FSIP2: variants seen among roughly 807,000 people sequenced by gnomAD.
FSIP2 encodes fibrous sheath interacting protein 2, also known as fibrous sheath-interacting protein 2.
A neutral mutation model predicts 510.5 loss-of-function variants in FSIP2; 367 were observed. The observed-to-expected ratio is 0.72, with a 90% confidence interval of 0.66 to 0.78. The LOEUF is 0.78. Ranked by LOEUF, FSIP2 falls within the 30% of genes least tolerant of loss-of-function variation. The pLI is 0.00. For synonymous variants in FSIP2, 2,601 were observed against 2,732.2 expected, an observed-to-expected ratio of 0.95 and a Z score of 1.50; for missense variants, 7,594 against 7,901.7, an observed-to-expected ratio of 0.96 and a Z score of 1.48.
intron 20 of FSIP2, among the ~76,000 whole-genome samples, chr2:185,826,737 G>T (rs770517953): frequency 2.8e-4 from 42 of 151,702 alleles, no homozygotes; most frequent in Non-Finnish European, 4.1e-4. Context: ...GTAGATACAG[G>T]GATTAATGAG....
rs755203701 is a variant in FSIP2, at chr2:185,797,003, G to A, written c.9867G>A (p.Leu3289=). Residue 3289 remains leucine, a synonymous_variant, in exon 16 of 23, where the codon TTG becomes TTA. Coordinates refer to ENST00000424728, the MANE Select transcript of FSIP2 (RefSeq NM_173651.4). ...DSTEAALKQV[L]SFIEMGKGEN... The stretch of plus-strand genomic sequence containing the variant: ...CAGAAGCAGCATTAAAGCAAGTCTT[G>A]TCATTCATAGAAATGGGAAAAGGTG... 15 of 1,535,154 alleles carry A rather than the reference G, an allele frequency of 9.8e-6. No homozygotes were observed. In the South Asian group the frequency reaches 1.5e-4, roughly 16 times the overall value.
At chr2:185,788,207 G>T in intron 15 of FSIP2, 1 of 152,146 alleles carries the variant, frequency 6.6e-6, no homozygotes, top group Non-Finnish European at 1.5e-5. Flanking sequence ...ATTTTGACTG[G>T]ATCTGTCTTG....
rs1693787739 is a variant in FSIP2, at chr2:185,814,010, T to C, written c.20293T>C (p.Ser6765Pro). Residue 6765 changes from serine (S) to proline (P), a missense_variant, in exon 18 of 23, where the codon TCT (serine) becomes CCT (proline). By Grantham distance (74) the Ser-to-Pro change is moderately conservative. Coordinates refer to ENST00000424728, the MANE Select transcript of FSIP2 (RefSeq NM_173651.4). ...ACCAAAGACGATGCCTGAAACAGCCTCTTCATCTTGGGAGGAAAAGCCCCA... is the reference window on the plus strand; with the variant it reads ...ACCAAAGACGATGCCTGAAACAGCCCCTTCATCTTGGGAGGAAAAGCCCCA... ...ATPKTMPETASSSWEEKPQCK... is the reference protein window; with the variant it reads ...ATPKTMPETAPSSWEEKPQCK... The C allele has an allele frequency of 1.2e-6, 2 of 1,612,978 alleles. No individual in the cohort carries two copies. Among genetic ancestry groups the C allele is most frequent in the Non-Finnish European group, 1.7e-6 (2 of 1,179,466 alleles).
intron 17 of FSIP2, among the ~76,000 whole-genome samples, chr2:185,810,133 A>C (rs530446696): frequency 5.9e-5 from 9 of 152,150 alleles, no homozygotes; most frequent in Non-Finnish European, 1.3e-4. Context: ...GCAACCCACT[A>C]AACTGAATCT....
rs1693227410 is a variant in FSIP2 at position 185,794,732 on chromosome 2, A to G, written c.7596A>G (p.Gln2532=). Reference sequence around the variant, plus strand: ...ACACAACACAGAAAAACAGTTTTCAATCACATATTAACAGTGTAGCAAATG... The same window carrying G: ...ACACAACACAGAAAAACAGTTTTCAGTCACATATTAACAGTGTAGCAAATG... ...TSDTTQKNSF[Q]SHINSVANDI... Residue 2532 remains glutamine (Q), a synonymous_variant, in exon 16 of 23, where the codon CAA becomes CAG. Coordinates refer to ENST00000424728, the MANE Select transcript of FSIP2 (RefSeq NM_173651.4). 1 of 1,534,190 alleles carries G rather than the reference A, an allele frequency of 6.5e-7. No individual in the cohort carries two copies. Among genetic ancestry groups the G allele is most frequent in the African/African-American group, 1.4e-5 (1 of 73,020 alleles).
rs761051594 is a variant in FSIP2 at position 185,807,678 on chromosome 2, AG to A, written c.18373del (p.Val6125TrpfsTer14). ...ENIVDLVLREVASNQLQSYFC... is the reference protein window; with the variant it reads ...ENIVDLVLREXASNQLQSYFC... ...ACATAGTTGACTTGGTTCTACGAGA[AG>A]TGGCTAGCAATCAGCTGCAGAGCTA... On this transcript the variant is annotated frameshift_variant, in exon 17 of 23. Transcript: ENST00000424728. LOFTEE classifies it high-confidence loss of function. The A allele has an allele frequency of 1.9e-6, 3 of 1,612,798 alleles. No homozygotes were observed. Among genetic ancestry groups the A allele is most frequent in the Admixed American group, 3.3e-5 (2 of 59,868 alleles).
chr2:185,751,461 C>CTG (rs56395901), intron 7 of FSIP2, among the ~76,000 whole-genome samples: 8,447 of 135,728 alleles, frequency 0.062, 430 homozygotes, highest in African/African-American at 0.15. Flanking sequence ...CTTTATTTTT[C>CTG]TGTGTGTGTG....
Position 185,738,958 on chromosome 2 carries a change from A to G in FSIP2, c.64A>G (p.Ser22Gly). 1 of 1,533,908 alleles carries G rather than the reference A, an allele frequency of 6.5e-7. No individual in the cohort carries two copies. The highest frequency in any genetic ancestry group is 8.7e-7 in the Non-Finnish European group (1 of 1,146,604). ...AGTCGCCGTCACCAAGACGGTCGCCAGCGTCCTGGCCGCGGACACCCAGCA... is the reference window on the plus strand; with the variant it reads ...AGTCGCCGTCACCAAGACGGTCGCCGGCGTCCTGGCCGCGGACACCCAGCA... ...AKVAVTKTVA[S>G]VLAADTQQCR... is the part of the protein sequence containing the mutation. The change falls in exon 1 of 23, where the codon AGC (serine) becomes GGC (glycine). Residue 22 changes from serine to glycine, a missense_variant. Transcript: ENST00000424728.
Position 185,802,250 on chromosome 2 carries a change from G to C in FSIP2, c.12944G>C (p.Arg4315Thr). Residue 4315 changes from arginine (R) to threonine (T), a missense_variant, in exon 17 of 23, where the codon AGA becomes ACA. By Grantham distance (71) the Arg-to-Thr change is moderately conservative (BLOSUM62 -1). Transcript: ENST00000424728. ...LDSFVREIVA[R>T]LLSKIFSPKH... ...TCATTTGTAAGGGAGATTGTTGCCA[G>C]ACTTTTGTCAAAGATTTTCAGCCCA... The C allele has an allele frequency of 6.5e-7, 1 of 1,533,754 alleles. No individual in the cohort carries two copies. Among genetic ancestry groups the C allele is most frequent in the Non-Finnish European group, 8.7e-7 (1 of 1,145,318 alleles).
rs144116676 is a variant in FSIP2 at position 185,785,301 on chromosome 2, T to C, written c.1470-951T>C. 3.3e-4 allele frequency among the ~76,000 whole-genome samples: 50 copies of C among 152,160 alleles called. No individual in the cohort carries two copies. The East Asian group carries it at 8.7e-3, about 26-fold the overall frequency. ...TGAATACTGCCAAAAGGTACAAATC[T>C]AAGGGTAGACTATTGTCATGAAGCC... is the stretch of plus-strand genomic sequence containing the variant. On this transcript the variant is annotated intron_variant, in intron 14 of 22. Coordinates refer to ENST00000424728, the MANE Select transcript of FSIP2 (RefSeq NM_173651.4).
Position 185,802,252 on chromosome 2 carries a change from C to A in FSIP2, c.12946C>A (p.Leu4316Ile), listed in dbSNP as rs779261369. The change falls in exon 17 of 23, where the codon CTT becomes ATT. Residue 4316 changes from leucine (L) to isoleucine (I), a missense_variant. Coordinates refer to ENST00000424728, the MANE Select transcript of FSIP2 (RefSeq NM_173651.4). ...DSFVREIVARLLSKIFSPKHN... is the reference protein window; with the variant it reads ...DSFVREIVARILSKIFSPKHN... ...ATTTGTAAGGGAGATTGTTGCCAGA[C>A]TTTTGTCAAAGATTTTCAGCCCAAA... 4 of 1,533,602 alleles carry A rather than the reference C, an allele frequency of 2.6e-6. No homozygotes were observed. The African/African-American group carries it at 4.1e-5, about 16-fold the overall frequency. 95.0% of individuals were successfully genotyped at this position (1,533,602 alleles called of 1,614,324 possible). A position where few individuals can be genotyped will look rare whatever the true frequency, so the allele number is the denominator to read the frequency against.
rs1416488393 is a variant in FSIP2 at position 185,806,431 on chromosome 2, C to A, written c.17125C>A (p.Pro5709Thr). Residue 5709 changes from proline (P) to threonine (T), a missense_variant, in exon 17 of 23, where the codon CCC becomes ACC. Physicochemically the swap from Pro to Thr is conservative, Grantham distance 38. Coordinates refer to ENST00000424728, the MANE Select transcript of FSIP2 (RefSeq NM_173651.4). ...TTCGAAACTCAGTTATGACCAAAGC[C>A]CCCCAGGTGATAATGTATTAAATGT... ...YYSKLSYDQS[P>T]PGDNVLNVIQ... 6.2e-7 allele frequency: 1 copy of A among 1,611,758 alleles called. No homozygotes were observed. The highest frequency in any genetic ancestry group is 1.7e-5 in the Admixed American group (1 of 59,790).
rs1433021132 is a variant in FSIP2 at position 185,800,853 on chromosome 2, A to G, written c.11547A>G (p.Lys3849=). 9 of 1,534,308 alleles carry G rather than the reference A, an allele frequency of 5.9e-6. No homozygotes were observed. The Admixed American group carries it at 1.2e-4, about 20-fold the overall frequency. The change falls in exon 17 of 23, where the codon AAA becomes AAG. Residue 3849 remains lysine, a synonymous_variant. Transcript: ENST00000424728. ...MLTIISHSLV[K]SLMDKLSHSI... is the part of the protein sequence containing the mutation. The stretch of plus-strand genomic sequence containing the variant: ...CTATTATTTCCCACAGCTTGGTTAA[A>G]TCATTGATGGACAAATTATCTCACA...
rs928129379 is a variant in FSIP2 at position 185,813,851 on chromosome 2, T to A, written c.20134T>A (p.Phe6712Ile). 5 of 1,613,510 alleles carry A rather than the reference T, an allele frequency of 3.1e-6. No individual in the cohort carries two copies. Among genetic ancestry groups the A allele is most frequent in the African/African-American group, 1.3e-5 (1 of 74,974 alleles). Residue 6712 changes from phenylalanine to isoleucine, a missense_variant, in exon 18 of 23, where the codon TTT (phenylalanine) becomes ATT (isoleucine). By Grantham distance (21) the Phe-to-Ile change is conservative. Coordinates refer to ENST00000424728, the MANE Select transcript of FSIP2 (RefSeq NM_173651.4). ...ACTAAGCACGAGCAGCCTGAAAAAA[T>A]TTTTGTCACTAAGTAAATGTTGTCA... ...STLSTSSLKK[F>I]LSLSKCCQTT...
In FSIP2 at chr2:185,799,975, G is replaced by A. The variant is rs1023154545; in HGVS notation, c.10669G>A (p.Ala3557Thr). ...ESRSISIGEL[A>T]LCISEIIIKI... is the part of the protein sequence containing the mutation. ...CAGGTCAATTTCCATTGGAGAACTTGCTTTATGTATTTCTGAAATCATTAT... is the reference window on the plus strand; with the variant it reads ...CAGGTCAATTTCCATTGGAGAACTTACTTTATGTATTTCTGAAATCATTAT... Residue 3557 changes from alanine to threonine, a missense_variant, in exon 17 of 23, where the codon GCT (alanine) becomes ACT (threonine). Coordinates refer to ENST00000424728, the MANE Select transcript of FSIP2 (RefSeq NM_173651.4). The A allele has an allele frequency of 2.6e-6, 4 of 1,524,320 alleles. No individual in the cohort carries two copies. The highest frequency in any genetic ancestry group is 3.5e-6 in the Non-Finnish European group (4 of 1,138,724). The allele number at this position is 1,524,320 out of a possible 1,614,324, so 94.4% of individuals were successfully genotyped here.
Position 185,804,306 on chromosome 2 carries a change from G to A in FSIP2, c.15000G>A (p.Glu5000=). The stretch of plus-strand genomic sequence containing the variant: ...TTGTTCTGGAGTTCACCACATCAGA[G>A]ATTTTAGTTGCAGATAACTTTGATA... ...NSIVLEFTTS[E]ILVADNFDKN... The change falls in exon 17 of 23, where the codon GAG becomes GAA. Residue 5000 remains glutamate (E), a synonymous_variant. Coordinates refer to ENST00000424728, the MANE Select transcript of FSIP2 (RefSeq NM_173651.4). The A allele has an allele frequency of 1.3e-6, 2 of 1,514,236 alleles. No homozygotes were observed. The highest frequency in any genetic ancestry group is 1.8e-6 in the Non-Finnish European group (2 of 1,138,760). The allele number at this position is 1,514,236 out of a possible 1,614,324, so 93.8% of individuals were successfully genotyped here.
At chr2:185,752,552 T>C (rs1056224930) in intron 7 of FSIP2, among the ~76,000 whole-genome samples, 3 of 151,364 alleles carry the variant, frequency 2.0e-5, no homozygotes, top group African/African-American at 7.3e-5. Flanking sequence ...ATTAGGCTGC[T>C]TGAAGTTGTC....
In FSIP2 at chr2:185,793,401, C is replaced by T. The variant is rs1310064687; in HGVS notation, c.6265C>T (p.Gln2089Ter). 5 of 1,533,604 alleles carry T rather than the reference C, an allele frequency of 3.3e-6. No homozygotes were observed. Among genetic ancestry groups the T allele is most frequent in the Non-Finnish European group, 4.4e-6 (5 of 1,145,318 alleles). The allele number at this position is 1,533,604 out of a possible 1,614,324, so 95.0% of individuals were successfully genotyped here. A position where few individuals can be genotyped will look rare whatever the true frequency, so the allele number is the denominator to read the frequency against. Residue 2089 changes from glutamine (Q) to a stop codon, truncating the protein, a stop_gained, in exon 16 of 23, where the codon CAA becomes TAA. Coordinates refer to ENST00000424728, the MANE Select transcript of FSIP2 (RefSeq NM_173651.4). LOFTEE classifies it high-confidence loss of function. ...ETKYRKVLQL[Q>*]IQDTIEGILC... The stretch of plus-strand genomic sequence containing the variant: ...CAAATATCGAAAAGTACTTCAACTT[C>T]AAATACAAGATACCATTGAAGGTAT...
rs1486415967 is a variant in FSIP2, at chr2:185,795,280, ACAT to A, written c.8148_8150del (p.Ile2716del). On this transcript the variant is annotated inframe_deletion, in exon 16 of 23. Transcript: ENST00000424728. ...TCCAAGACTGCCATTGGGTTGTCACACATCATGTCAGCTGGAGATGCCAAAAAT... is the reference window on the plus strand; with the variant it reads ...TCCAAGACTGCCATTGGGTTGTCACACATGTCAGCTGGAGATGCCAAAAAT... The A allele has an allele frequency of 3.9e-6, 6 of 1,535,174 alleles. No homozygotes were observed. The Admixed American group carries it at 1.2e-4, about 30-fold the overall frequency.
Sources: allele counts gnomAD v4.1 joint callset (sites outside exome capture counted in the v4.1 genomes callset), GRCh38; gene constraint gnomAD v4.1.1; transcripts MANE v1.5; gene names NCBI Gene and HGNC (gene_info 2026-07-23, HGNC 2026-07-21).